Variants in TMEM232 observed in about 807,000 individuals in gnomAD.
TMEM232 encodes transmembrane protein 232.
A neutral mutation model predicts 78.8 loss-of-function variants in TMEM232; 80 were observed. The observed-to-expected ratio is 1.01, with a 90% confidence interval of 0.85 to 1.22. The LOEUF (loss-of-function observed/expected upper bound fraction) is 1.22, where lower values mean the gene tolerates loss of function less well. Ranked by LOEUF, TMEM232 falls within the 50% of genes most tolerant of loss-of-function variation. The pLI is 0.00. For synonymous variants in TMEM232, 297 were observed against 254.3 expected (o/e 1.17, Z -1.60); for missense variants, 881 against 742.2 (o/e 1.19, Z -2.17).
chr5:110,447,206 G>C (rs1015712336), intron 12 of TMEM232, among the ~76,000 whole-genome samples: 1 of 151,526 alleles, frequency 6.6e-6, no homozygotes, highest in Admixed American at 6.6e-5. Flanking sequence ...GATTTTAAAA[G>C]GAAATCAAAG....
At chr5:110,617,022 C>T (rs1226294098) in intron 8 of TMEM232, among the ~76,000 whole-genome samples, 1 of 152,134 alleles carries the variant, frequency 6.6e-6, no homozygotes, top group African/African-American at 2.4e-5. Context: ...GTGTAATCAA[C>T]CTACGTGTCA....
intron 1 of TMEM232, among the ~76,000 whole-genome samples, chr5:110,701,044 C>G (rs957922227): frequency 6.6e-6 from 1 of 151,566 alleles, no homozygotes; most frequent in African/African-American, 2.4e-5. Flanking sequence ...GCCTTCCACA[C>G]CAAAACATTT....
chr5:110,420,592 C>T lies in TMEM232; in HGVS notation c.1962G>A (p.Lys654=), dbSNP rs1380326578. The T allele has an allele frequency of 2.7e-6, 4 of 1,461,030 alleles. No individual in the cohort carries two copies. The highest frequency in any genetic ancestry group is 2.7e-5 in the East Asian group (1 of 36,788). 90.5% of individuals were successfully genotyped at this position (1,461,030 alleles called of 1,614,324 possible). The change falls in exon 14 of 14, where the codon AAG becomes AAA. Residue 654 remains lysine (K), a synonymous_variant. Transcript: ENST00000455884. ...TTTTCTTTTCTAATTAAATTACTTC[C>T]TTCCTATAAGGAAGTTCATAGGGCT... ...QTKPYELPYR[K]EVI
chr5:110,728,353 A>G (rs1159722176), upstream of TMEM232, among the ~76,000 whole-genome samples: 1 of 151,944 alleles, frequency 6.6e-6, no homozygotes, highest in Non-Finnish European at 1.5e-5. Flanking sequence ...TATATATGAT[A>G]AATTTGCCAT....
At chr5:110,472,934 C>A (rs1434532050) in intron 12 of TMEM232, among the ~76,000 whole-genome samples, 1 of 151,374 alleles carries the variant, frequency 6.6e-6, no homozygotes, top group Non-Finnish European at 1.5e-5. Flanking sequence ...AAATGCATTA[C>A]AGAGTTAAAT....
chr5:110,404,498 G>C (rs577740702), intron 2 of TMEM232, among the ~76,000 whole-genome samples: 1 of 151,910 alleles, frequency 6.6e-6, no homozygotes, highest in Non-Finnish European at 1.5e-5. Context: ...GTTTATTCAG[G>C]GCAGATCTAG....
At chr5:110,525,339 A>G (rs1770415377) in intron 12 of TMEM232, among the ~76,000 whole-genome samples, 1 of 152,032 alleles carries the variant, frequency 6.6e-6, no homozygotes, top group Admixed American at 6.5e-5. Context: ...TCAATGACTG[A>G]ATTTACCAAG....
At chr5:110,466,649 G>T (rs1465832615) in intron 12 of TMEM232, among the ~76,000 whole-genome samples, 2 of 147,128 alleles carry the variant, frequency 1.4e-5, no homozygotes, top group East Asian at 2.0e-4. Flanking sequence ...GTCTTGCTCT[G>T]TTGCCCAGGC....
At chr5:110,677,431 G>C (rs990709382) in intron 1 of TMEM232, among the ~76,000 whole-genome samples, 1 of 152,136 alleles carries the variant, frequency 6.6e-6, no homozygotes, top group African/African-American at 2.4e-5. Flanking sequence ...GTAAATGAAA[G>C]TTATTTTAAA....
chr5:110,703,498 C>A lies in TMEM232; in HGVS notation c.-13+23129G>T, dbSNP rs570101882. ...AATCCAGGGAAGCCTTTTCACGGATCTCAAGGTTGTTTCTCTTTGCCCATC... is the reference window on the plus strand; with the variant it reads ...AATCCAGGGAAGCCTTTTCACGGATATCAAGGTTGTTTCTCTTTGCCCATC... On this transcript the variant is annotated intron_variant, in intron 1 of 13. Coordinates refer to ENST00000455884, the MANE Select transcript of TMEM232 (RefSeq NM_001039763.4). Among the ~76,000 whole-genome samples the A allele has an allele frequency of 1.2e-3, 183 of 152,162 alleles. 1 individual carries two copies. Among genetic ancestry groups the A allele is most frequent in the African/African-American group, 4.2e-3 (176 of 41,552 alleles).
chr5:110,453,846 A>G (rs555012355), intron 12 of TMEM232, among the ~76,000 whole-genome samples: 18 of 152,194 alleles, frequency 1.2e-4, no homozygotes, highest in Admixed American at 4.6e-4. Context: ...AAAAAGACCA[A>G]TGTTATAAGA....
intron 11 of TMEM232, among the ~76,000 whole-genome samples, chr5:110,529,833 A>G (rs769277639): frequency 6.6e-6 from 1 of 152,194 alleles, no homozygotes; most frequent in African/African-American, 2.4e-5. Flanking sequence ...GGAATCAGCA[A>G]TAATAAATGA....
In TMEM232 at chr5:110,503,780, C is replaced by T. The variant is rs184118476; in HGVS notation, c.1703+24808G>A. Reference sequence around the variant, plus strand: ...TTTGCTGAATTTGTAGTAAATGTTTCTCCTTCACCTTACCTTCTGCTTTAA... The same window carrying T: ...TTTGCTGAATTTGTAGTAAATGTTTTTCCTTCACCTTACCTTCTGCTTTAA... On this transcript the variant is annotated intron_variant, in intron 12 of 13. Coordinates refer to ENST00000455884, the MANE Select transcript of TMEM232 (RefSeq NM_001039763.4). Among the ~76,000 whole-genome samples, 973 of 152,280 alleles carry T rather than the reference C, an allele frequency of 6.4e-3. 16 individuals are homozygous for T. The highest frequency in any genetic ancestry group is 0.022 in the African/African-American group (912 of 41,554).
intron 1 of TMEM232, among the ~76,000 whole-genome samples, chr5:110,680,960 G>C (rs1792673310): frequency 6.6e-6 from 1 of 151,990 alleles, no homozygotes; most frequent in Non-Finnish European, 1.5e-5. Context: ...GGAAGAAAAG[G>C]GGTAAAGAGA....
intron 11 of TMEM232, among the ~76,000 whole-genome samples, chr5:110,563,704 TGGGGATATTG>T (rs1393279884): frequency 6.6e-6 from 1 of 151,860 alleles, no homozygotes; most frequent in African/African-American, 2.4e-5. Context: ...ATCCCAATAA[TGGGGATATTG>T]GGTGATACAG....
intron 12 of TMEM232, among the ~76,000 whole-genome samples, chr5:110,454,342 G>A (rs1012048259): frequency 4.6e-5 from 7 of 152,086 alleles, no homozygotes; most frequent in Admixed American, 3.3e-4. Context: ...CTAAAGAAAA[G>A]TAAGTCAGGG....
At chr5:110,396,749 C>T (rs1225530838) in intron 3 of TMEM232, among the ~76,000 whole-genome samples, 6 of 152,134 alleles carry the variant, frequency 3.9e-5, no homozygotes, top group Admixed American at 3.9e-4. Flanking sequence ...TTCTAAGTAC[C>T]TCCTTACTTA....
chr5:110,571,891 G>A (rs1776984573), intron 10 of TMEM232, among the ~76,000 whole-genome samples: 1 of 151,882 alleles, frequency 6.6e-6, no homozygotes, highest in Non-Finnish European at 1.5e-5. Flanking sequence ...GAGGAAGGGA[G>A]TAACGTTATG....
At chr5:110,477,785 T>C (rs1357990449) in intron 12 of TMEM232, among the ~76,000 whole-genome samples, 1 of 151,920 alleles carries the variant, frequency 6.6e-6, no homozygotes, top group Non-Finnish European at 1.5e-5. Context: ...TACATGCTCA[T>C]TTTGTATAAT....
Sources: gnomAD v4.1 joint callset for allele counts (sites outside exome capture counted in the v4.1 genomes callset) on GRCh38, gnomAD v4.1.1 for gene constraint, MANE v1.5 for transcripts, NCBI Gene and HGNC (gene_info 2026-07-23, HGNC 2026-07-21) for gene names.